MYOM2: variants seen among roughly 807,000 people sequenced by gnomAD.
The protein encoded by MYOM2 is myomesin-2.
In MYOM2, 254 loss-of-function variants were observed where a neutral mutation model predicts 187.6. That is an observed-to-expected ratio of 1.35 (90% CI 1.22 to 1.50). The LOEUF is 1.50. Among genes scored for constraint, MYOM2 ranks in the 40% most tolerant of loss-of-function variants. The probability of loss-of-function intolerance (pLI) is 0.00; values close to 1 mark genes in which losing one functional copy is unlikely to be tolerated. For missense variants in MYOM2, 2,796 were observed against 1,924.0 expected, an observed-to-expected ratio of 1.45 and a Z score of -8.48; for synonymous variants, 981 against 753.8, an observed-to-expected ratio of 1.30 and a Z score of -4.94.
chr8:2,051,671 T>G (rs1160970405), intron 2 of MYOM2, among the ~76,000 whole-genome samples: 1 of 152,224 alleles, frequency 6.6e-6, no homozygotes, highest in Non-Finnish European at 1.5e-5. Context: ...AATCCTGGCG[T>G]GGAGCCAGAA....
At chr8:2,137,933 C>T (rs1798139197) in intron 32 of MYOM2, among the ~76,000 whole-genome samples, 1 of 152,202 alleles carries the variant, frequency 6.6e-6, no homozygotes, top group Non-Finnish European at 1.5e-5. Context: ...CTTGCTGCTC[C>T]TCACACGCCA....
intron 32 of MYOM2, among the ~76,000 whole-genome samples, chr8:2,140,104 T>C (rs547612832): frequency 1.5e-4 from 23 of 152,286 alleles, no homozygotes; most frequent in African/African-American, 5.3e-4. Flanking sequence ...CCCACAGTTC[T>C]ACTTCCTGTC....
chr8:2,129,511 G>C (rs1037182126), intron 32 of MYOM2, among the ~76,000 whole-genome samples: 2 of 152,200 alleles, frequency 1.3e-5, no homozygotes, highest in Non-Finnish European at 2.9e-5. Context: ...TGGTAACACA[G>C]ATTTTCTCTG....
chr8:2,107,293 G>C (rs1037117716), intron 23 of MYOM2, among the ~76,000 whole-genome samples: 10 of 152,136 alleles, frequency 6.6e-5, no homozygotes, highest in African/African-American at 2.4e-4. Flanking sequence ...GCGTGAACTC[G>C]TAGGGCTGGA....
intron 32 of MYOM2, among the ~76,000 whole-genome samples, chr8:2,139,167 G>T (rs556488376): frequency 6.6e-6 from 1 of 152,298 alleles, no homozygotes; most frequent in East Asian, 1.9e-4. Context: ...TTGAGACAGT[G>T]TCTCGCTCTG....
At chr8:2,094,224 G>T in intron 17 of MYOM2, 133 bp downstream of exon 17, 1 of 1,183,244 alleles carries the variant, frequency 8.5e-7, no homozygotes, top group Non-Finnish European at 1.2e-6. Context: ...CAGAGAACTT[G>T]AGTTTCTTTG....
At position 2,092,503 on chromosome 8, in the gene MYOM2, G is replaced by A; in HGVS notation, c.1986G>A (p.Lys662=). The change falls in exon 16 of 37, where the codon AAG becomes AAA. Residue 662 remains lysine, a synonymous_variant. Transcript: ENST00000262113. ...GTNLWEPCNH[K]PIGYNRFVVH... The stretch of plus-strand genomic sequence containing the variant: ...ACCTCTGGGAGCCCTGCAACCACAA[G>A]CCCATCGGATACAACAGGTGCGGCC... 1 of 1,614,070 alleles carries A rather than the reference G, an allele frequency of 6.2e-7. No homozygotes were observed. Among genetic ancestry groups the A allele is most frequent in the East Asian group, 2.2e-5 (1 of 44,864 alleles).
At chr8:2,114,829 G>A (rs1336835194) in intron 25 of MYOM2, among the ~76,000 whole-genome samples, 1 of 151,976 alleles carries the variant, frequency 6.6e-6, no homozygotes, top group Non-Finnish European at 1.5e-5. Flanking sequence ...TGTTGCCCAA[G>A]CGATCCTCCT....
chr8:2,080,253 G>A (rs1819574677), intron 13 of MYOM2, among the ~76,000 whole-genome samples: 1 of 152,208 alleles, frequency 6.6e-6, no homozygotes, highest in Non-Finnish European at 1.5e-5. Context: ...TCAGTGTGGA[G>A]CCACTGGCTA....
intron 3 of MYOM2, among the ~76,000 whole-genome samples, chr8:2,056,133 G>A (rs1279333223): frequency 6.6e-6 from 1 of 152,202 alleles, no homozygotes; most frequent in Non-Finnish European, 1.5e-5. Flanking sequence ...AGGATAAAAT[G>A]TATGCAAATT....
intron 19 of MYOM2, among the ~76,000 whole-genome samples, chr8:2,099,233 G>A (rs1392287660): frequency 6.6e-6 from 1 of 152,202 alleles, no homozygotes; most frequent in African/African-American, 2.4e-5. Flanking sequence ...AGGGTGAGGT[G>A]GGAGGGAGCA....
chr8:2,108,918 C>T (rs1796979794), intron 24 of MYOM2, 88 bp downstream of exon 24: 1 of 1,329,274 alleles, frequency 7.5e-7, no homozygotes, highest in African/African-American at 1.5e-5. Flanking sequence ...GGAAGAACAG[C>T]TTTGGGGAAA....
intron 17 of MYOM2, among the ~76,000 whole-genome samples, chr8:2,095,448 G>A (rs751440373): frequency 2.0e-5 from 3 of 151,990 alleles, no homozygotes; most frequent in Non-Finnish European, 2.9e-5. Flanking sequence ...CCACCACCAC[G>A]CCCAGCTAAT....
chr8:2,065,787 C>G, intron 6 of MYOM2, among the ~76,000 whole-genome samples: 1 of 152,178 alleles, frequency 6.6e-6, no homozygotes, highest in Admixed American at 6.5e-5. Context: ...CTGCCTGAGG[C>G]CCCGGTACCC....
Position 2,089,175 on chromosome 8 carries a change from T to C in MYOM2, c.1645-833T>C, listed in dbSNP as rs1335067796. On this transcript the variant is annotated intron_variant, in intron 14 of 36. Transcript: ENST00000262113. ...CCAACTTTTACTACCACAAAACTAC[T>C]TTCGAAAAAGGCGTTTTATCTCTAT... Among the ~76,000 whole-genome samples the C allele has an allele frequency of 2.1e-4, 6 of 28,494 alleles. No individual in the cohort carries two copies. In the East Asian group the frequency reaches 9.1e-3, roughly 43 times the overall value. 18.7% of individuals were successfully genotyped at this position (28,494 alleles called of 152,430 possible).
At chr8:2,108,021 G>C (rs1327070359) in intron 23 of MYOM2, among the ~76,000 whole-genome samples, 3 of 152,208 alleles carry the variant, frequency 2.0e-5, no homozygotes, top group Non-Finnish European at 4.4e-5. Context: ...AACTGGGAAA[G>C]CCAGTCCTCC....
rs199969056 is a variant in MYOM2 at position 2,140,800 on chromosome 8, C to T, written c.3878C>T (p.Pro1293Leu). ...EEMAWLQICE[P>L]TEKDKGKYTF... is the part of the protein sequence containing the mutation. ...ATGGCTTGGCTGCAGATATGTGAGC[C>T]GACTGAGAAGGATAAAGGAAAATAC... The change falls in exon 33 of 37, where the codon CCG becomes CTG. Residue 1293 changes from proline to leucine, a missense_variant. Transcript: ENST00000262113. 199 of 1,613,790 alleles carry T rather than the reference C, an allele frequency of 1.2e-4. No homozygotes were observed. The highest frequency in any genetic ancestry group is 1.6e-4 in the Non-Finnish European group (189 of 1,179,946).
chr8:2,045,459 A>G (rs1818281453), intron 1 of MYOM2, among the ~76,000 whole-genome samples: 1 of 152,220 alleles, frequency 6.6e-6, no homozygotes, highest in Admixed American at 6.5e-5. Context: ...CCCTGGTCTC[A>G]TCGTGGCCCC....
chr8:2,098,573 C>G (rs1796574031), intron 18 of MYOM2, among the ~76,000 whole-genome samples: 1 of 152,160 alleles, frequency 6.6e-6, no homozygotes, highest in African/African-American at 2.4e-5. Flanking sequence ...TTACCTGCCG[C>G]TGGGGTATCA....
Sources: allele counts gnomAD v4.1 joint callset (sites outside exome capture counted in the v4.1 genomes callset), GRCh38; gene constraint gnomAD v4.1.1; transcripts MANE v1.5; gene names NCBI Gene and HGNC (gene_info 2026-07-23, HGNC 2026-07-21).